Variants in CDH18 observed in about 807,000 individuals in gnomAD.
CDH18 encodes the protein cadherin-18.
A neutral mutation model predicts 67.9 loss-of-function variants in CDH18; 31 were observed. The ratio of observed to expected loss-of-function variants is 0.46; its 90% confidence interval spans 0.34 to 0.62. The LOEUF (loss-of-function observed/expected upper bound fraction) is 0.62. Among genes scored for constraint, CDH18 ranks in the 20% least tolerant of loss-of-function variants. The probability of loss-of-function intolerance (pLI) is 0.01; values close to 1 mark genes in which losing one functional copy is unlikely to be tolerated. For synonymous variants in CDH18, 362 were observed against 347.2 expected (o/e 1.04, Z -0.48); for missense variants, 890 against 975.5 (o/e 0.91, Z 1.17).
chr5:19,909,862 G>A (rs952617515), intron 2 of CDH18, among the ~76,000 whole-genome samples: 2 of 152,086 alleles, frequency 1.3e-5, no homozygotes, highest in African/African-American at 4.8e-5. Flanking sequence ...ATGATTACTG[G>A]TGCTTTCCTT....
rs528100802 is a variant in CDH18 at position 19,888,779 on chromosome 5, C to A, written c.-256-49537G>T. Among the ~76,000 whole-genome samples the A allele has an allele frequency of 6.6e-5, 10 of 152,188 alleles. No homozygotes were observed. In the South Asian group the frequency reaches 2.1e-3, roughly 32 times the overall value. On this transcript the variant is annotated intron_variant, in intron 2 of 12. Coordinates refer to ENST00000382275, the MANE Select transcript of CDH18 (RefSeq NM_004934.5). ...TTTGCATTAGCAGAGGCCTCCTGTA[C>A]AATTTTAAATAGAAGTCCTGGTAAC...
At chr5:20,366,576 G>A (rs1459940655) in intron 1 of CDH18, among the ~76,000 whole-genome samples, 1 of 152,174 alleles carries the variant, frequency 6.6e-6, no homozygotes, top group East Asian at 1.9e-4. Context: ...ATCAAGCTCT[G>A]TCACTTACCT....
intron 2 of CDH18, among the ~76,000 whole-genome samples, chr5:20,084,880 A>C (rs1383583337): frequency 6.6e-6 from 1 of 152,010 alleles, no homozygotes; most frequent in Admixed American, 6.6e-5. Context: ...GGCCCAGGAA[A>C]CCACTTTTTC....
At chr5:19,934,489 C>CA (rs1794030343) in intron 2 of CDH18, among the ~76,000 whole-genome samples, 1 of 151,538 alleles carries the variant, frequency 6.6e-6, no homozygotes, top group South Asian at 2.1e-4. Flanking sequence ...CATTCACACA[C>CA]AGACAGATGG....
At chr5:19,617,571 T>C (rs761834018) in intron 5 of CDH18, among the ~76,000 whole-genome samples, 2 of 152,252 alleles carry the variant, frequency 1.3e-5, no homozygotes, top group Admixed American at 1.3e-4. Flanking sequence ...GGTAAATGGT[T>C]ACGGCATATT....
At chr5:19,907,287 T>A (rs1790644666) in intron 2 of CDH18, among the ~76,000 whole-genome samples, 1 of 151,996 alleles carries the variant, frequency 6.6e-6, no homozygotes, top group Non-Finnish European at 1.5e-5. Flanking sequence ...AGGTTGAGTA[T>A]CTCGTATTTA....
intron 12 of CDH18, among the ~76,000 whole-genome samples, chr5:19,474,085 G>T (rs1398821749): frequency 6.6e-6 from 1 of 152,074 alleles, no homozygotes; most frequent in African/African-American, 2.4e-5. Context: ...AAAAAATAAT[G>T]TAGTGAGCTG....
intron 2 of CDH18, among the ~76,000 whole-genome samples, chr5:19,914,888 A>G (rs137964563): frequency 9.5e-4 from 145 of 152,240 alleles, no homozygotes; most frequent in East Asian, 4.5e-3. Context: ...ATGATAATAG[A>G]AGGAACTTAA....
chr5:19,482,638 T>C (rs1739657115), intron 12 of CDH18, among the ~76,000 whole-genome samples: 1 of 151,730 alleles, frequency 6.6e-6, no homozygotes, highest in African/African-American at 2.4e-5. Context: ...GTGTGCAACA[T>C]GATGATGTTT....
At chr5:20,070,756 C>A (rs1743413054) in intron 2 of CDH18, among the ~76,000 whole-genome samples, 1 of 152,138 alleles carries the variant, frequency 6.6e-6, no homozygotes, top group African/African-American at 2.4e-5. Context: ...TAACACTGTA[C>A]TTTCATTTAC....
chr5:20,269,972 A>C (rs1374089181), intron 1 of CDH18, among the ~76,000 whole-genome samples: 3 of 152,132 alleles, frequency 2.0e-5, no homozygotes, highest in Admixed American at 1.3e-4. Flanking sequence ...CATGTCACCT[A>C]TGAAGCAAGC....
chr5:19,819,444 T>C (rs1199195648), intron 3 of CDH18, among the ~76,000 whole-genome samples: 5 of 151,986 alleles, frequency 3.3e-5, no homozygotes, highest in Non-Finnish European at 5.9e-5. Context: ...TCAAAGTCAA[T>C]GGAGAAGTGA....
chr5:20,412,612 A>G (rs954818527), intron 1 of CDH18, among the ~76,000 whole-genome samples: 3 of 152,234 alleles, frequency 2.0e-5, no homozygotes, highest in Non-Finnish European at 4.4e-5. Context: ...CAAAGAACCC[A>G]TGCCTAGAAT....
chr5:19,848,359 G>T (rs1035613368), intron 2 of CDH18: 1 of 152,120 alleles, frequency 6.6e-6, no homozygotes, highest in Non-Finnish European at 1.5e-5. Flanking sequence ...GCTTTACCAG[G>T]GCGAGGTATT....
At chr5:20,404,866 A>G (rs1041565498) in intron 1 of CDH18, among the ~76,000 whole-genome samples, 1 of 152,186 alleles carries the variant, frequency 6.6e-6, no homozygotes, top group Non-Finnish European at 1.5e-5. Flanking sequence ...AAGTAAAATC[A>G]CAATAAATAG....
At chr5:20,275,912 A>C (rs1745775282) in intron 1 of CDH18, among the ~76,000 whole-genome samples, 1 of 152,076 alleles carries the variant, frequency 6.6e-6, no homozygotes, top group Admixed American at 6.6e-5. Flanking sequence ...TTTGCATCAG[A>C]ACTCATGGTT....
At chr5:19,776,916 C>T (rs535241472) in intron 3 of CDH18, among the ~76,000 whole-genome samples, 119 of 152,234 alleles carry the variant, frequency 7.8e-4, no homozygotes, top group Non-Finnish European at 1.5e-3. Flanking sequence ...TGTCCAGTAA[C>T]AAAAACAAGT....
chr5:20,354,649 C>T (rs546362605), intron 1 of CDH18, among the ~76,000 whole-genome samples: 2 of 152,122 alleles, frequency 1.3e-5, no homozygotes, highest in Non-Finnish European at 1.5e-5. Context: ...TGAATTCAAG[C>T]GAACCACCTA....
At position 20,241,890 on chromosome 5, in the gene CDH18, A is replaced by ATG. The variant is rs1554106516; in HGVS notation, c.-518+13552_-518+13553dup. On this transcript the variant is annotated intron_variant, in intron 2 of 14. Coordinates refer to the CDH18 transcript ENST00000507958. ...ATAAAATAAAATAAAATATATATAT[A>ATG]TGTATATATATATATATATTGCTTA... 2.2e-3 allele frequency among the ~76,000 whole-genome samples: 157 copies of ATG among 69,788 alleles called. 1 individual carries two copies. Among genetic ancestry groups the ATG allele is most frequent in the Middle Eastern group, 8.5e-3 (1 of 118 alleles). 45.8% of individuals were successfully genotyped at this position (69,788 alleles called of 152,430 possible).
Sources: allele counts gnomAD v4.1 joint callset (sites outside exome capture counted in the v4.1 genomes callset), GRCh38; gene constraint gnomAD v4.1.1; transcripts MANE v1.5; gene names NCBI Gene and HGNC (gene_info 2026-07-23, HGNC 2026-07-21).